USP24: variants seen among roughly 807,000 people sequenced by gnomAD.
USP24 encodes ubiquitin specific peptidase 24, also known as ubiquitin carboxyl-terminal hydrolase 24.
USP24 carries 97 observed loss-of-function variants against 361.6 expected under a neutral mutation model. The observed-to-expected ratio is 0.27, with a 90% CI of 0.23 to 0.32. The LOEUF is 0.32. USP24 is among the 10% of genes least tolerant of loss of function. USP24 has a pLI of 1.00. For missense variants in USP24, 2,353 were observed against 3,165.6 expected (o/e 0.74, Z 6.16); for synonymous variants, 1,098 against 1,124.6 (o/e 0.98, Z 0.47).
intron 1 of USP24, among the ~76,000 whole-genome samples, chr1:55,178,343 C>CT (rs1650196962): frequency 1.3e-5 from 2 of 152,098 alleles, no homozygotes; most frequent in South Asian, 4.1e-4. Context: ...TACTCGCTCG[C>CT]TTAGAAGGTG....
chr1:55,090,496 C>T (rs1251228025), intron 54 of USP24, among the ~76,000 whole-genome samples: 1 of 152,188 alleles, frequency 6.6e-6, no homozygotes, highest in South Asian at 2.1e-4. Flanking sequence ...GATTATTATA[C>T]ATAAAAATGA....
intron 38 of USP24, among the ~76,000 whole-genome samples, chr1:55,117,572 C>T (rs1457178037): frequency 1.3e-5 from 2 of 149,184 alleles, no homozygotes; most frequent in Non-Finnish European, 3.0e-5. Flanking sequence ...ACTAAAAATA[C>T]AAAAAATTAG....
chr1:55,140,258 A>C (rs1646850906), intron 24 of USP24, among the ~76,000 whole-genome samples: 1 of 152,126 alleles, frequency 6.6e-6, no homozygotes, highest in Non-Finnish European at 1.5e-5. Context: ...AAGAAGTAGG[A>C]GTTTGGACAT....
At position 55,144,152 on chromosome 1, in the gene USP24, C is replaced by T. The variant is rs1646967223; in HGVS notation, c.2414G>A (p.Arg805Gln). 1.2e-6 allele frequency: 2 copies of T among 1,606,528 alleles called. No homozygotes were observed. The highest frequency in any genetic ancestry group is 8.5e-7 in the Non-Finnish European group (1 of 1,177,082). ...CAACTGAGCTCCTTGTCTTTTCAAT[C>T]GATGATCACAAAGATTCACATTTTC... ...FFENVNLCDH[R>Q]LKRQGAQLYV... The change falls in exon 21 of 68, where the codon CGA (arginine) becomes CAA (glutamine). Residue 805 changes from arginine (R) to glutamine (Q), a missense_variant. Around this residue, in one of 8 missense-constraint regions of USP24, gnomAD observed 949 missense variants for 1,280.5 expected, o/e 0.74. Transcript: ENST00000294383.
intron 5 of USP24, among the ~76,000 whole-genome samples, chr1:55,168,225 A>T (rs746354228): frequency 6.6e-6 from 1 of 152,080 alleles, no homozygotes; most frequent in Non-Finnish European, 1.5e-5. Context: ...ATTTCTTTCC[A>T]ATCTGGAAAC....
Position 55,083,289 on chromosome 1 carries a change from T to C in USP24, c.6958A>G (p.Ser2320Gly). Residue 2320 changes from serine to glycine, a missense_variant, in exon 58 of 68, where the codon AGT becomes GGT. Ser to Gly is a moderately conservative substitution (Grantham distance 56, BLOSUM62 0). Coordinates refer to ENST00000294383, the MANE Select transcript of USP24 (RefSeq NM_015306.3). Reference sequence around the variant, plus strand: ...GTCCTTACCTGATTGTTTTGCCGACTGGCCCCTAGGAGGAAGCTGATCATG... The same window carrying C: ...GTCCTTACCTGATTGTTTTGCCGACCGGCCCCTAGGAGGAAGCTGATCATG... ...RHMISFLLGA[S>G]RQNNQIRRWS... The C allele has an allele frequency of 1.2e-5, 19 of 1,613,728 alleles. No individual in the cohort carries two copies. The highest frequency in any genetic ancestry group is 1.4e-5 in the Non-Finnish European group (17 of 1,179,708).
intron 46 of USP24, 76 bp downstream of exon 46, chr1:55,098,400 C>T: frequency 7.4e-7 from 1 of 1,348,322 alleles, no homozygotes; most frequent in East Asian, 2.4e-5. Context: ...TTAACAAATG[C>T]AAAATTTACA....
chr1:55,134,229 A>G, intron 29 of USP24, 66 bp from the exon 30 acceptor site: 1 of 1,570,690 alleles, frequency 6.4e-7, no homozygotes, highest in Admixed American at 1.8e-5. Flanking sequence ...GTCCATTAGT[A>G]TGGAATATAA....
chr1:55,122,329 G>C (rs1646305868), intron 36 of USP24, among the ~76,000 whole-genome samples: 1 of 152,164 alleles, frequency 6.6e-6, no homozygotes, highest in Non-Finnish European at 1.5e-5. Context: ...GCTGCTGGGG[G>C]AACAGCAAGG....
intron 67 of USP24, among the ~76,000 whole-genome samples, chr1:55,070,880 G>A (rs896820808): frequency 7.9e-5 from 12 of 152,196 alleles, no homozygotes; most frequent in Non-Finnish European, 1.6e-4. Flanking sequence ...GGTGGACAGA[G>A]GCAAACTTCC....
rs534546148 is a variant in USP24, at chr1:55,205,769, T to C, written c.324+9021A>G. ...AGTTTATATACTTTTTAAAAACTCATGAAGGAAAAATTCTAAAACACGGAA... is the reference window on the plus strand; with the variant it reads ...AGTTTATATACTTTTTAAAAACTCACGAAGGAAAAATTCTAAAACACGGAA... On this transcript the variant is annotated intron_variant, in intron 1 of 67. Transcript: ENST00000294383. Among the ~76,000 whole-genome samples the C allele has an allele frequency of 9.2e-5, 14 of 152,280 alleles. No individual in the cohort carries two copies. The East Asian group carries it at 2.5e-3, about 27-fold the overall frequency.
In USP24 at chr1:55,096,413, G is replaced by A. The variant is rs1368377103; in HGVS notation, c.6061+85C>T. 2.6e-6 allele frequency: 3 copies of A among 1,136,680 alleles called. No homozygotes were observed. The African/African-American group carries it at 4.9e-5, about 18-fold the overall frequency. The allele number at this position is 1,136,680 out of a possible 1,614,324, so 70.4% of individuals were successfully genotyped here. ...CAATAAAAATAACAAAATCTGTTGTGTTTTTATATAAAGAATACTATTAAT... is the reference window on the plus strand; with the variant it reads ...CAATAAAAATAACAAAATCTGTTGTATTTTTATATAAAGAATACTATTAAT... On this transcript the variant is annotated intron_variant, in intron 50 of 67. Transcript: ENST00000294383.
chr1:55,124,360 GC>G, intron 35 of USP24, 108 bp downstream of exon 35: 1 of 1,311,310 alleles, frequency 7.6e-7, no homozygotes. Flanking sequence ...ATGCTCACAA[GC>G]AAGAGAAGAG....
At chr1:55,197,516 G>A (rs959159691) in intron 1 of USP24, among the ~76,000 whole-genome samples, 14 of 152,292 alleles carry the variant, frequency 9.2e-5, no homozygotes, top group African/African-American at 3.4e-4. Context: ...AACAGATCCT[G>A]AGCACAGAGA....
At chr1:55,090,671 T>G (rs1036354947) in intron 54 of USP24, among the ~76,000 whole-genome samples, 13 of 152,212 alleles carry the variant, frequency 8.5e-5, no homozygotes, top group African/African-American at 3.1e-4. Context: ...CTCCCCTTAC[T>G]CTAGGTATAT....
At chr1:55,150,550 A>G (rs1647165420) in intron 16 of USP24, among the ~76,000 whole-genome samples, 1 of 152,218 alleles carries the variant, frequency 6.6e-6, no homozygotes, top group Non-Finnish European at 1.5e-5. Context: ...AAAGGATTAC[A>G]AAATTGGGAC....
intron 31 of USP24, among the ~76,000 whole-genome samples, chr1:55,131,351 C>T (rs554546456): frequency 1.6e-4 from 25 of 152,264 alleles, no homozygotes; most frequent in African/African-American, 5.5e-4. Flanking sequence ...CTTTGGTACT[C>T]CATGCTGTTG....
chr1:55,189,205 G>C (rs1644222205), intron 1 of USP24, among the ~76,000 whole-genome samples: 1 of 152,134 alleles, frequency 6.6e-6, no homozygotes, highest in East Asian at 1.9e-4. Flanking sequence ...GTATACATGA[G>C]TGTTCGTGGC....
chr1:55,075,331 A>C, intron 63 of USP24, 126 bp downstream of exon 63: 1 of 872,354 alleles, frequency 1.1e-6, no homozygotes, highest in Non-Finnish European at 1.7e-6. Context: ...AGTGGCCCTG[A>C]CCAGACTTCT....
Sources: allele counts gnomAD v4.1 joint callset (sites outside exome capture counted in the v4.1 genomes callset), GRCh38; gene constraint gnomAD v4.1.1; regional missense constraint gnomAD v4.1.1; transcripts MANE v1.5; gene names NCBI Gene and HGNC (gene_info 2026-07-23, HGNC 2026-07-21).